Variants in ADAM28 observed in about 807,000 individuals in gnomAD.
The protein encoded by ADAM28 is disintegrin and metalloproteinase domain-containing protein 28.
Under a neutral mutation model 101.2 loss-of-function variants are expected in ADAM28, and 105 were observed. That is an observed-to-expected ratio of 1.04 (90% CI 0.89 to 1.22). The LOEUF (loss-of-function observed/expected upper bound fraction) is 1.22, where lower values mean the gene tolerates loss of function less well. ADAM28 is among the 50% of genes most tolerant of loss of function. The pLI, the probability that ADAM28 is intolerant of heterozygous loss-of-function variation, is 0.00. For synonymous variants in ADAM28, 322 were observed against 310.6 expected, an observed-to-expected ratio of 1.04 and a Z score of -0.39; for missense variants, 1,028 against 945.4, an observed-to-expected ratio of 1.09 and a Z score of -1.15.
chr8:24,345,587 A>C (rs1815311365), intron 18 of ADAM28, among the ~76,000 whole-genome samples: 1 of 151,814 alleles, frequency 6.6e-6, no homozygotes, highest in Non-Finnish European at 1.5e-5. Flanking sequence ...TACAGTCTAT[A>C]TTTTAATTGC....
chr8:24,321,409 G>T, intron 8 of ADAM28, 120 bp downstream of exon 8: 1 of 831,610 alleles, frequency 1.2e-6, no homozygotes, highest in African/African-American at 1.7e-5. Context: ...CAATGTGGCT[G>T]ACTGGCTCCC....
intron 15 of ADAM28, among the ~76,000 whole-genome samples, chr8:24,340,458 G>A (rs1472032918): frequency 2.0e-5 from 3 of 152,196 alleles, no homozygotes; most frequent in Non-Finnish European, 4.4e-5. Flanking sequence ...GGCAGTATGT[G>A]AGGGCCAGAG....
intron 12 of ADAM28, 109 bp downstream of exon 12, chr8:24,331,436 T>C (rs1199842280): frequency 1.8e-6 from 2 of 1,120,912 alleles, no homozygotes; most frequent in Admixed American, 3.4e-5. Flanking sequence ...TTTTGGGTAA[T>C]TTTGGGTACG....
rs1300301277 is a variant in ADAM28 at position 24,341,665 on chromosome 8, G to T, written c.1738G>T (p.Val580Leu). Residue 580 changes from valine (V) to leucine (L), a missense_variant, in exon 16 of 23, where the codon GTG becomes TTG. By Grantham distance (32) the Val-to-Leu change is conservative. Coordinates refer to ENST00000265769, the MANE Select transcript of ADAM28 (RefSeq NM_014265.6). ...SDNLPWKGRIVTFLTCKTFDP... is the reference protein window; with the variant it reads ...SDNLPWKGRILTFLTCKTFDP... The stretch of plus-strand genomic sequence containing the variant: ...TAATTTGCCCTGGAAAGGACGGATA[G>T]TGACTTTCCTGACATGTAAAACATT... The T allele has an allele frequency of 1.2e-6, 2 of 1,613,814 alleles. No individual in the cohort carries two copies. Among genetic ancestry groups the T allele is most frequent in the Non-Finnish European group, 8.5e-7 (1 of 1,179,850 alleles).
chr8:24,323,993 C>A lies in ADAM28; in HGVS notation c.880C>A (p.Gln294Lys). The A allele has an allele frequency of 6.2e-7, 1 of 1,611,580 alleles. No individual in the cohort carries two copies. Among genetic ancestry groups the A allele is most frequent in the South Asian group, 1.1e-5 (1 of 90,988 alleles). The change falls in exon 9 of 23, where the codon CAG becomes AAG. Residue 294 changes from glutamine (Q) to lysine (K), a missense_variant. Physicochemically the swap from Gln to Lys is moderately conservative, Grantham distance 53 (BLOSUM62 1). Transcript: ENST00000265769. The part of the protein sequence containing the change: ...LSRRKRHDIA[Q>K]LITATELAGT... ...AAGAAGAAAGCGTCATGATATTGCT[C>A]AGTTAATCACGTATGTACAGATTTT...
chr8:24,330,119 A>G lies in ADAM28; in HGVS notation c.1103+4A>G. 6.2e-7 allele frequency: 1 copy of G among 1,612,126 alleles called. No homozygotes were observed. On this transcript the variant is annotated splice_donor_region_variant and intron_variant, in intron 11 of 22. Coordinates refer to ENST00000265769, the MANE Select transcript of ADAM28 (RefSeq NM_014265.6). ...GTGTGATGGACAAAGCACTGAGGTG[A>G]GGCTCTCTGGGCCCTGGGGACATGC...
At chr8:24,326,252 T>C (rs1812601112) in intron 9 of ADAM28, among the ~76,000 whole-genome samples, 1 of 152,016 alleles carries the variant, frequency 6.6e-6, no homozygotes, top group Non-Finnish European at 1.5e-5. Flanking sequence ...GACAGATGTT[T>C]ATTAAGACCA....
chr8:24,342,855 G>C (rs1814949276), intron 16 of ADAM28: 1 of 525,516 alleles, frequency 1.9e-6, no homozygotes, highest in South Asian at 3.1e-5. Context: ...CATTGCTTCT[G>C]GGATATACAG....
chr8:24,355,480 G>C lies in ADAM28; in HGVS notation c.*1076G>C, dbSNP rs1816620647. On this transcript the variant is annotated 3_prime_UTR_variant, in exon 23 of 23. Coordinates refer to ENST00000265769, the MANE Select transcript of ADAM28 (RefSeq NM_014265.6). ...AATAACCTCATTTTTCCTTGCTAGTGGTCGACTTGGAGATGATTTTATAAT... is the reference window on the plus strand; with the variant it reads ...AATAACCTCATTTTTCCTTGCTAGTCGTCGACTTGGAGATGATTTTATAAT... The C allele has an allele frequency of 6.6e-6, 1 of 151,494 alleles. No homozygotes were observed. The highest frequency in any genetic ancestry group is 2.1e-4 in the South Asian group (1 of 4,794). 9.4% of individuals were successfully genotyped at this position (151,494 alleles called of 1,614,324 possible).
intron 8 of ADAM28, among the ~76,000 whole-genome samples, chr8:24,323,620 C>T (rs1301347014): frequency 2.6e-5 from 4 of 151,838 alleles, no homozygotes; most frequent in Non-Finnish European, 4.4e-5. Flanking sequence ...AAGAAGTTTA[C>T]GGACCTAAAC....
chr8:24,353,786 C>CACTTCCCCCTACTGTTTTCAA lies in ADAM28; in HGVS notation c.2262_2282dup (p.Leu755_Lys761dup). 6.6e-7 allele frequency: 1 copy of CACTTCCCCCTACTGTTTTCAA among 1,519,238 alleles called. No homozygotes were observed. The highest frequency in any genetic ancestry group is 9.1e-7 in the Non-Finnish European group (1 of 1,094,356). The allele number at this position is 1,519,238 out of a possible 1,614,324, so 94.1% of individuals were successfully genotyped here. ...TTAACGTAGCATAAAGACACAAACG[C>CACTTCCCCCTACTGTTTTCAA]ACTTCCCCCTACTGTTTTCAAGGAT... On this transcript the variant is annotated inframe_insertion, in exon 22 of 23. Transcript: ENST00000265769.
chr8:24,347,089 A>C (rs1815492506), intron 18 of ADAM28: 1 of 152,052 alleles, frequency 6.6e-6, no homozygotes, highest in Non-Finnish European at 1.5e-5. Context: ...TTATGCTTTC[A>C]AGATCATCCA....
At chr8:24,328,391 A>G (rs1169248172) in intron 10 of ADAM28, among the ~76,000 whole-genome samples, 1 of 151,898 alleles carries the variant, frequency 6.6e-6, no homozygotes, top group Non-Finnish European at 1.5e-5. Context: ...CTAGATAGAA[A>G]TGGAATTAAC....
rs550417492 is a variant in ADAM28 at position 24,328,114 on chromosome 8, T to C, written c.972+1479T>C. Among the ~76,000 whole-genome samples the C allele has an allele frequency of 1.4e-3, 207 of 152,220 alleles. 1 individual carries two copies. Among genetic ancestry groups the C allele is most frequent in the African/African-American group, 4.8e-3 (198 of 41,560 alleles). ...ACTTCATTGCATTTCCAGCACTCTT[T>C]ACTTCTCTATAAAAATCCTAATTTC... is the stretch of plus-strand genomic sequence containing the variant. On this transcript the variant is annotated intron_variant, in intron 10 of 22. Transcript: ENST00000265769.
rs1293432160 is a variant in ADAM28, at chr8:24,354,747, G to GA, written c.*348dup. The GA allele has an allele frequency of 5.6e-6, 1 of 179,054 alleles. No individual in the cohort carries two copies. Among genetic ancestry groups the GA allele is most frequent in the African/African-American group, 2.4e-5 (1 of 42,348 alleles). 11.1% of individuals were successfully genotyped at this position (179,054 alleles called of 1,614,324 possible). A position where few individuals can be genotyped will look rare whatever the true frequency, so the allele number is the denominator to read the frequency against. ...CATCACACTAATCTTGGAGGAATAA[G>GA]AAAAATTGTACATCCATTAAATGTA... is the stretch of plus-strand genomic sequence containing the variant. On this transcript the variant is annotated 3_prime_UTR_variant, in exon 23 of 23. Coordinates refer to ENST00000265769, the MANE Select transcript of ADAM28 (RefSeq NM_014265.6).
intron 6 of ADAM28, among the ~76,000 whole-genome samples, chr8:24,313,838 T>C (rs977889087): frequency 1.3e-5 from 2 of 151,168 alleles, no homozygotes; most frequent in South Asian, 4.2e-4. Flanking sequence ...GCCCATCACA[T>C]CTTCCACCTC....
rs977038057 is a variant in ADAM28 at position 24,336,359 on chromosome 8, G to T, written c.1567+718G>T. Among the ~76,000 whole-genome samples, 9 of 151,650 alleles carry T rather than the reference G, an allele frequency of 5.9e-5. No homozygotes were observed. In the South Asian group the frequency reaches 1.5e-3, roughly 25 times the overall value. ...AGCACTTTGGGAGGCTGAGGCGGGC[G>T]GATCACGAGGTCAGGAGATCAAGAC... is the stretch of plus-strand genomic sequence containing the variant. On this transcript the variant is annotated intron_variant, in intron 14 of 22. Coordinates refer to ENST00000265769, the MANE Select transcript of ADAM28 (RefSeq NM_014265.6).
At chr8:24,324,977 G>A (rs1245650216) in intron 9 of ADAM28, 1 of 151,920 alleles carries the variant, frequency 6.6e-6, no homozygotes, top group Non-Finnish European at 1.5e-5. Context: ...GAAGTTGTAG[G>A]GCCAGTCCAG....
intron 14 of ADAM28, among the ~76,000 whole-genome samples, chr8:24,338,215 C>T (rs1468344062): frequency 1.3e-5 from 2 of 148,182 alleles, no homozygotes; most frequent in Non-Finnish European, 3.0e-5. Flanking sequence ...TCTCAAAATC[C>T]AAAATATATG....
Sources: gnomAD v4.1 joint callset for allele counts (sites outside exome capture counted in the v4.1 genomes callset) on GRCh38, gnomAD v4.1.1 for gene constraint, MANE v1.5 for transcripts, NCBI Gene and HGNC (gene_info 2026-07-23, HGNC 2026-07-21) for gene names.